The following OPHN1 variants were observed in gnomAD, a reference collection of about 807,000 sequenced individuals.
The protein encoded by OPHN1 is oligophrenin 1, also known as oligophrenin-1.
A neutral mutation model predicts 60.7 loss-of-function variants in OPHN1; 11 were observed. The ratio of observed to expected loss-of-function variants is 0.18; its 90% CI spans 0.11 to 0.30. The LOEUF is 0.30. Ranked by LOEUF, OPHN1 falls within the 10% of genes least tolerant of loss-of-function variation. OPHN1 has a pLI of 1.00. For synonymous variants in OPHN1, 226 were observed against 222.6 expected, an observed-to-expected ratio of 1.02 and a Z score of -0.14; for missense variants, 449 against 611.0, an observed-to-expected ratio of 0.73 and a Z score of 2.80.
At chrX:68,165,292 G>C (rs924577958) in intron 15 of OPHN1, among the ~76,000 whole-genome samples, 1 of 111,719 alleles carries the variant, frequency 9.0e-6, no homozygotes, top group African/African-American at 3.3e-5. Context: ...CTCAGCTTTC[G>C]ACATGCCTTC....
At chrX:68,222,010 A>C (rs1372474369) in intron 6 of OPHN1, among the ~76,000 whole-genome samples, 1 of 108,498 alleles carries the variant, frequency 9.2e-6, no homozygotes, top group Non-Finnish European at 1.9e-5. Context: ...AATGGGAGAA[A>C]ATTTTCGCAA....
chrX:68,125,954 T>TATATATATATATATATATAC (rs1262640434), intron 15 of OPHN1, among the ~76,000 whole-genome samples: 2,210 of 55,339 alleles, frequency 0.04, 357 homozygotes, highest in Non-Finnish European at 0.066. Flanking sequence ...TATATATATA[T>TATATATATATATATATATAC]ATACATACAC....
At chrX:68,107,198 G>A (rs1047341341) in intron 18 of OPHN1, among the ~76,000 whole-genome samples, 1 of 111,226 alleles carries the variant, frequency 9.0e-6, no homozygotes, top group African/African-American at 3.3e-5. Flanking sequence ...AATGTTATGG[G>A]AGAAAAAGTC....
intron 2 of OPHN1, among the ~76,000 whole-genome samples, chrX:68,393,807 T>A (rs1240757940): frequency 1.9e-5 from 2 of 107,157 alleles, no homozygotes; most frequent in Non-Finnish European, 3.9e-5. Context: ...ATCTGAAATG[T>A]ACCTGGGTGT....
intron 19 of OPHN1, among the ~76,000 whole-genome samples, chrX:68,085,915 A>C (rs1480969001): frequency 8.9e-6 from 1 of 111,792 alleles, no homozygotes; most frequent in Non-Finnish European, 1.9e-5. Context: ...ATGGTGGCTC[A>C]AGCCTGTAAC....
chrX:68,071,607 C>T, intron 20 of OPHN1: 1 of 570,585 alleles, frequency 1.8e-6, no homozygotes. Context: ...TGACTTGGCT[C>T]CATTGTCCAA....
upstream of OPHN1, chrX:68,433,528 G>A (rs771097758): frequency 3.5e-6 from 1 of 287,671 alleles, no homozygotes; most frequent in African/African-American, 2.8e-5. Flanking sequence ...GGATTGCACT[G>A]TCCCCTCCCC....
chrX:68,393,935 G>A (rs373743674), intron 2 of OPHN1, among the ~76,000 whole-genome samples: 1 of 71,611 alleles, frequency 1.4e-5, no homozygotes, highest in Non-Finnish European at 2.4e-5. Flanking sequence ...TCGCTCTGTT[G>A]CCCAGGCTGG....
At chrX:68,141,928 GAAA>G (rs2077244702) in intron 15 of OPHN1, among the ~76,000 whole-genome samples, 1 of 102,259 alleles carries the variant, frequency 9.8e-6, no homozygotes, top group Non-Finnish European at 2.0e-5. Context: ...AAGAAAGAAA[GAAA>G]GAAAGAAAGA....
intron 15 of OPHN1, among the ~76,000 whole-genome samples, chrX:68,140,552 T>C (rs765052645): frequency 6.8e-4 from 75 of 109,691 alleles, no homozygotes; most frequent in African/African-American, 2.5e-3. Context: ...GCTGGGCTCC[T>C]GGCTAAACCC....
chrX:68,258,143 A>T (rs2147560383), intron 5 of OPHN1, among the ~76,000 whole-genome samples: 1 of 110,684 alleles, frequency 9.0e-6, no homozygotes, highest in Non-Finnish European at 1.9e-5. Flanking sequence ...GATGGAAAAA[A>T]TATGACCTCA....
intron 5 of OPHN1, among the ~76,000 whole-genome samples, chrX:68,274,109 G>A (rs1402168564): frequency 8.9e-6 from 1 of 111,748 alleles, no homozygotes; most frequent in Non-Finnish European, 1.9e-5. Flanking sequence ...CCCCCATGAT[G>A]CAATCACCTC....
chrX:68,088,924 C>A (rs765967826), intron 19 of OPHN1, among the ~76,000 whole-genome samples: 1 of 111,116 alleles, frequency 9.0e-6, no homozygotes, highest in Non-Finnish European at 1.9e-5. Flanking sequence ...ATTATTCTCA[C>A]TCTAGGGATA....
At chrX:68,184,796 A>G (rs1224295020) in intron 15 of OPHN1, among the ~76,000 whole-genome samples, 1 of 110,257 alleles carries the variant, frequency 9.1e-6, no homozygotes, top group African/African-American at 3.3e-5. Context: ...GGGTTTCACC[A>G]TGTTGGCCAG....
In OPHN1 at chrX:68,127,369, G is replaced by T. The variant is rs145628855; in HGVS notation, c.1277-8037C>A. On this transcript the variant is annotated intron_variant, in intron 15 of 24. Coordinates refer to ENST00000355520, the MANE Select transcript of OPHN1 (RefSeq NM_002547.3). ...AATTATTCATAGCCTAATAATAAAAGAATACTTCTTATTTTTTTCTTTTTT... is the reference window on the plus strand; with the variant it reads ...AATTATTCATAGCCTAATAATAAAATAATACTTCTTATTTTTTTCTTTTTT... 4.4e-3 allele frequency among the ~76,000 whole-genome samples: 490 copies of T among 111,729 alleles called. 2 individuals are homozygous for T. Among genetic ancestry groups the T allele is most frequent in the African/African-American group, 0.015 (473 of 30,718 alleles).
intron 15 of OPHN1, among the ~76,000 whole-genome samples, chrX:68,143,091 C>A (rs1364759489): frequency 9.0e-6 from 1 of 111,638 alleles, no homozygotes; most frequent in Non-Finnish European, 1.9e-5. Context: ...CAGGAGGATT[C>A]TGGAACCCCC....
rs1230909657 is a variant in OPHN1, at chrX:68,043,682, C to A, written c.*3490G>T. 8.9e-6 allele frequency: 1 copy of A among 112,144 alleles called. No homozygotes were observed. 9.2% of individuals were successfully genotyped at this position (112,144 alleles called of 1,213,427 possible). The stretch of plus-strand genomic sequence containing the variant: ...ATGACACTATAATTGAAATTAGATG[C>A]TAAGTTTTGTCCCTCAGTGGCTGAA... On this transcript the variant is annotated 3_prime_UTR_variant, in exon 25 of 25. Transcript: ENST00000355520.
At chrX:68,408,032 T>C (rs1375671483) in intron 2 of OPHN1, among the ~76,000 whole-genome samples, 2 of 112,125 alleles carry the variant, frequency 1.8e-5, no homozygotes, top group Non-Finnish European at 3.8e-5. Context: ...CTCGAACTCC[T>C]GGACGTAAGC....
rs940026275 is a variant in OPHN1 at position 68,419,432 on chromosome X, A to T, written c.154+13435T>A. ...ATCCCCAAACTCAACATTCACAGGT[A>T]ACTTGGGCTAAATGATGTCTGCACC... On this transcript the variant is annotated intron_variant, in intron 2 of 24. Transcript: ENST00000355520. Among the ~76,000 whole-genome samples the T allele has an allele frequency of 4.5e-5, 5 of 111,073 alleles. No homozygotes were observed. In the East Asian group the frequency reaches 1.4e-3, roughly 31 times the overall value.
Sources: gnomAD v4.1 joint callset for allele counts (sites outside exome capture counted in the v4.1 genomes callset) on GRCh38, gnomAD v4.1.1 for gene constraint, MANE v1.5 for transcripts, NCBI Gene and HGNC (gene_info 2026-07-23, HGNC 2026-07-21) for gene names.